Variants in SLC9C1 observed in about 807,000 individuals in gnomAD.
SLC9C1 encodes the protein sodium/hydrogen exchanger 10.
SLC9C1 carries 97 observed loss-of-function variants against 140.9 expected under a neutral mutation model. The observed-to-expected ratio is 0.69, with a 90% CI of 0.58 to 0.82. The LOEUF is 0.82. Ranked by LOEUF, SLC9C1 falls within the 40% of genes least tolerant of loss-of-function variation. SLC9C1 has a pLI of 0.00. For synonymous variants in SLC9C1, 440 were observed against 442.6 expected (o/e 0.99, Z 0.07); for missense variants, 1,340 against 1,389.3 (o/e 0.96, Z 0.56).
chr3:112,271,395 A>G (rs865999438), intron 6 of SLC9C1, among the ~76,000 whole-genome samples: 2 of 145,928 alleles, frequency 1.4e-5, no homozygotes, highest in South Asian at 2.2e-4. Context: ...TCTACATTGT[A>G]TATATATATA....
intron 26 of SLC9C1, among the ~76,000 whole-genome samples, chr3:112,159,602 C>T (rs1352183580): frequency 6.6e-6 from 1 of 151,910 alleles, no homozygotes; most frequent in Non-Finnish European, 1.5e-5. Flanking sequence ...TAGTTTAACT[C>T]CAACGTTTGT....
intron 10 of SLC9C1, among the ~76,000 whole-genome samples, chr3:112,261,057 G>A (rs2079758455): frequency 6.6e-6 from 1 of 151,954 alleles, no homozygotes; most frequent in Non-Finnish European, 1.5e-5. Flanking sequence ...ACTTCTCTCT[G>A]CAACATTTTT....
At chr3:112,286,096 T>C (rs755345541) in intron 2 of SLC9C1, among the ~76,000 whole-genome samples, 2 of 152,156 alleles carry the variant, frequency 1.3e-5, no homozygotes, top group Non-Finnish European at 2.9e-5. Context: ...TTTTATGTGT[T>C]GCTATATCAA....
intron 26 of SLC9C1, among the ~76,000 whole-genome samples, chr3:112,163,902 A>C (rs903468543): frequency 4.5e-4 from 68 of 152,066 alleles, no homozygotes; most frequent in African/African-American, 1.5e-3. Context: ...AATGTGTGGG[A>C]GTCTAAGTCT....
intron 6 of SLC9C1, among the ~76,000 whole-genome samples, chr3:112,270,733 T>C (rs902107285): frequency 6.6e-6 from 1 of 152,134 alleles, no homozygotes; most frequent in African/African-American, 2.4e-5. Flanking sequence ...TGAGAATAGC[T>C]TGAATCTGGG....
intron 5 of SLC9C1, among the ~76,000 whole-genome samples, chr3:112,277,162 T>C (rs865962572): frequency 3.9e-5 from 6 of 152,158 alleles, no homozygotes; most frequent in African/African-American, 1.4e-4. Context: ...TAAATTGAGT[T>C]GGTATTTTAC....
chr3:112,167,163 T>C, intron 26 of SLC9C1, 58 bp downstream of exon 26: 2 of 1,579,652 alleles, frequency 1.3e-6, no homozygotes, highest in South Asian at 1.1e-5. Flanking sequence ...AATACACATA[T>C]GGCTATTTTA....
intron 17 of SLC9C1, among the ~76,000 whole-genome samples, chr3:112,203,569 T>G (rs942555599): frequency 2.6e-5 from 4 of 152,042 alleles, no homozygotes; most frequent in Non-Finnish European, 5.9e-5. Flanking sequence ...TTTATTTAAC[T>G]GTATCACTCA....
chr3:112,226,538 A>G (rs1173936674), intron 13 of SLC9C1, among the ~76,000 whole-genome samples: 1 of 152,128 alleles, frequency 6.6e-6, no homozygotes, highest in Non-Finnish European at 1.5e-5. Context: ...CCTGGCCAAC[A>G]TGGTGAAACC....
At chr3:112,188,848 C>T (rs1201424545) in intron 20 of SLC9C1, among the ~76,000 whole-genome samples, 4 of 152,212 alleles carry the variant, frequency 2.6e-5, no homozygotes, top group African/African-American at 9.7e-5. Flanking sequence ...ACACTCCCAC[C>T]AACAGTGTAA....
At chr3:112,214,451 A>G (rs1462813378) in intron 15 of SLC9C1, among the ~76,000 whole-genome samples, 2 of 152,202 alleles carry the variant, frequency 1.3e-5, no homozygotes, top group Admixed American at 1.3e-4. Context: ...AACAAAATTG[A>G]TAGACCACTA....
chr3:112,182,126 G>A lies in SLC9C1; in HGVS notation c.2649+7C>T, dbSNP rs759954417. The A allele has an allele frequency of 6.7e-6, 10 of 1,501,298 alleles. No homozygotes were observed. The highest frequency in any genetic ancestry group is 8.9e-6 in the Non-Finnish European group (10 of 1,119,092). The allele number at this position is 1,501,298 out of a possible 1,614,324, so 93.0% of individuals were successfully genotyped here. ...AAAATATTATTAATAGGAAATAAAA[G>A]TGTTACCTGAATGAAGTTTATATAA... On this transcript the variant is annotated splice_region_variant and intron_variant, in intron 21 of 28. Transcript: ENST00000305815.
At chr3:112,158,332 C>A (rs2075184804) in intron 26 of SLC9C1, among the ~76,000 whole-genome samples, 1 of 151,934 alleles carries the variant, frequency 6.6e-6, no homozygotes, top group South Asian at 2.1e-4. Context: ...TATTGATTTG[C>A]ATATGTTGAA....
intron 1 of SLC9C1, among the ~76,000 whole-genome samples, chr3:112,287,270 C>T (rs2080537466): frequency 6.6e-6 from 1 of 152,228 alleles, no homozygotes; most frequent in Non-Finnish European, 1.5e-5. Context: ...ATCTAAGCCT[C>T]TGCAAGCATG....
At chr3:112,237,118 C>T (rs933933873) in intron 12 of SLC9C1, among the ~76,000 whole-genome samples, 1 of 152,272 alleles carries the variant, frequency 6.6e-6, no homozygotes, top group Non-Finnish European at 1.5e-5. Context: ...TTGTAGGTCT[C>T]TAAGGAGTTG....
chr3:112,182,653 G>A (rs1286034108), intron 20 of SLC9C1, among the ~76,000 whole-genome samples: 1 of 151,876 alleles, frequency 6.6e-6, no homozygotes, highest in Non-Finnish European at 1.5e-5. Flanking sequence ...TGAAAAAAAA[G>A]TGTACAAGTC....
intron 23 of SLC9C1, among the ~76,000 whole-genome samples, chr3:112,173,242 C>T (rs1207844471): frequency 6.6e-6 from 1 of 152,070 alleles, no homozygotes; most frequent in Non-Finnish European, 1.5e-5. Flanking sequence ...TTAAAAAGTT[C>T]TAGTCCTTAA....
chr3:112,204,731 A>C (rs2077998609), intron 16 of SLC9C1, among the ~76,000 whole-genome samples: 1 of 152,108 alleles, frequency 6.6e-6, no homozygotes, highest in Non-Finnish European at 1.5e-5. Context: ...TTTAATTTAA[A>C]ACAAGTTGCC....
intron 20 of SLC9C1, chr3:112,185,580 C>T (rs570473948): frequency 5.9e-5 from 95 of 1,610,062 alleles, no homozygotes; most frequent in African/African-American, 5.2e-4. Flanking sequence ...CACCTGTGCC[C>T]GGGGTCCCAG....
Sources: allele counts gnomAD v4.1 joint callset (sites outside exome capture counted in the v4.1 genomes callset), GRCh38; gene constraint gnomAD v4.1.1; transcripts MANE v1.5; gene names NCBI Gene and HGNC (gene_info 2026-07-23, HGNC 2026-07-21).